The following ITIH5 variants were observed in gnomAD, a reference collection of about 807,000 sequenced individuals.
The protein encoded by ITIH5 is inter-alpha-trypsin inhibitor heavy chain H5.
ITIH5 carries 65 observed loss-of-function variants against 77.5 expected under a neutral mutation model. The observed-to-expected ratio is 0.84, with a 90% confidence interval of 0.69 to 1.03. ITIH5 has a LOEUF of 1.03. Among genes scored for constraint, ITIH5 ranks in the 50% least tolerant of loss-of-function variants. ITIH5 has a pLI of 0.00. For synonymous variants in ITIH5, 525 were observed against 494.3 expected (o/e 1.06, Z -0.82); for missense variants, 1,208 against 1,213.1 (o/e 1.00, Z 0.06).
At chr10:7,574,214 G>A (rs1382945686) in intron 10 of ITIH5, among the ~76,000 whole-genome samples, 1 of 152,068 alleles carries the variant, frequency 6.6e-6, no homozygotes, top group Non-Finnish European at 1.5e-5. Context: ...AATATCTTAC[G>A]TCAAATTGTT....
At chr10:7,666,460 A>C (rs1246570402) in intron 1 of ITIH5, among the ~76,000 whole-genome samples, 1 of 151,914 alleles carries the variant, frequency 6.6e-6, no homozygotes, top group Non-Finnish European at 1.5e-5. Context: ...ACTGCCCCCC[A>C]CGCGTGATAA....
chr10:7,586,051 T>G lies in ITIH5; in HGVS notation c.958A>C (p.Thr320Pro), dbSNP rs772751552. 1.9e-6 allele frequency: 3 copies of G among 1,613,580 alleles called. No homozygotes were observed. The African/African-American group carries it at 4.0e-5, about 22-fold the overall frequency. The part of the protein sequence containing the change: ...KLRQTKDALF[T>P]ILHDLRPQDR... The stretch of plus-strand genomic sequence containing the variant: ...TGGGGTCGGAGGTCATGGAGAATTG[T>G]GAAGAGGGCATCCTTGGTCTAGGCA... Residue 320 changes from threonine to proline, a missense_variant, in exon 8 of 14, where the codon ACA becomes CCA. Coordinates refer to ENST00000397146, the MANE Select transcript of ITIH5 (RefSeq NM_030569.7).
At chr10:7,573,227 C>A in intron 10 of ITIH5, 32 bp from the exon 11 acceptor site, 1 of 1,587,536 alleles carries the variant, frequency 6.3e-7, no homozygotes, top group South Asian at 1.1e-5. Flanking sequence ...ACATCATGGT[C>A]ATTCCTTAAA....
intron 8 of ITIH5, among the ~76,000 whole-genome samples, chr10:7,583,305 T>C (rs569263372): frequency 6.6e-6 from 1 of 152,322 alleles, no homozygotes; most frequent in East Asian, 1.9e-4. Context: ...TTATTTTACA[T>C]TTTATTGGAA....
At chr10:7,604,023 G>T (rs966272228) in intron 7 of ITIH5, among the ~76,000 whole-genome samples, 1 of 152,162 alleles carries the variant, frequency 6.6e-6, no homozygotes, top group African/African-American at 2.4e-5. Flanking sequence ...GCATAAGTTG[G>T]TGCCACGGCC....
chr10:7,576,633 G>C lies in ITIH5; in HGVS notation c.1798C>G (p.Arg600Gly), dbSNP rs752162414. ...AGGGCCTGGGCCCGCTGCCGCAGCC[G>C]CTCCTTCTCCGGTTCATCGTCACTT... ...LQSDDEPEKE[R>G]LRQRAQALAV... Residue 600 changes from arginine to glycine, a missense_variant, in exon 10 of 14, where the codon CGG becomes GGG. By Grantham distance (125) the Arg-to-Gly change is moderately radical (BLOSUM62 -2). Transcript: ENST00000397146. 19 of 1,614,156 alleles carry C rather than the reference G, an allele frequency of 1.2e-5. No individual in the cohort carries two copies. The highest frequency in any genetic ancestry group is 1.5e-5 in the Non-Finnish European group (18 of 1,180,042).
intron 5 of ITIH5, among the ~76,000 whole-genome samples, chr10:7,629,603 G>A (rs1175389583): frequency 1.6e-4 from 21 of 133,164 alleles, no homozygotes; most frequent in Non-Finnish European, 2.1e-4. Flanking sequence ...ATGTTGTAGC[G>A]TGTATCCATG....
chr10:7,647,684 C>T (rs1028900731), intron 2 of ITIH5, among the ~76,000 whole-genome samples: 5 of 152,142 alleles, frequency 3.3e-5, no homozygotes, highest in African/African-American at 1.2e-4. Flanking sequence ...ATTTCCAACT[C>T]TATGTCATTT....
At chr10:7,658,666 G>T (rs1172742953) in intron 1 of ITIH5, among the ~76,000 whole-genome samples, 4 of 152,174 alleles carry the variant, frequency 2.6e-5, no homozygotes, top group African/African-American at 7.2e-5. Flanking sequence ...TCTCGAAGGT[G>T]GTGGGGGCTT....
At chr10:7,581,345 T>C (rs2043843514) in intron 8 of ITIH5, among the ~76,000 whole-genome samples, 1 of 152,144 alleles carries the variant, frequency 6.6e-6, no homozygotes, top group African/African-American at 2.4e-5. Flanking sequence ...ATCAGGAATA[T>C]GTGGCTTAGA....
chr10:7,612,666 T>C (rs1833272874), intron 7 of ITIH5, among the ~76,000 whole-genome samples: 1 of 151,972 alleles, frequency 6.6e-6, no homozygotes, highest in Admixed American at 6.6e-5. Flanking sequence ...GTGTTTTTTT[T>C]TTTTTTTTAG....
At chr10:7,647,231 G>A (rs9329327) in intron 2 of ITIH5, among the ~76,000 whole-genome samples, 75,635 of 152,100 alleles carry the variant, frequency 0.5, 19,218 homozygotes, top group African/African-American at 0.56. Context: ...ATGCCAGGCA[G>A]GCCACACTGT....
intron 6 of ITIH5, 47 bp downstream of exon 6, chr10:7,617,066 C>T (rs1268146603): frequency 1.5e-6 from 2 of 1,340,758 alleles, no homozygotes; most frequent in Admixed American, 2.6e-5. Flanking sequence ...TGAGTCTGTC[C>T]AAAGTACCAA....
Position 7,616,106 on chromosome 10 carries a change from A to T in ITIH5, c.823-8T>A. On this transcript the variant is annotated splice_polypyrimidine_tract_variant and splice_region_variant and intron_variant, in intron 6 of 13. Coordinates refer to ENST00000397146, the MANE Select transcript of ITIH5 (RefSeq NM_030569.7). ...AAAATAGCCATTTAGAACCTGGTGGAGGGAAAAGAAAGTAAAAACGGTAGT... is the reference window on the plus strand; with the variant it reads ...AAAATAGCCATTTAGAACCTGGTGGTGGGAAAAGAAAGTAAAAACGGTAGT... 1 of 1,541,504 alleles carries T rather than the reference A, an allele frequency of 6.5e-7. No homozygotes were observed. Among genetic ancestry groups the T allele is most frequent in the Non-Finnish European group, 9.0e-7 (1 of 1,114,008 alleles).
At chr10:7,604,726 C>T (rs1833087155) in intron 7 of ITIH5, among the ~76,000 whole-genome samples, 1 of 152,206 alleles carries the variant, frequency 6.6e-6, no homozygotes, top group Admixed American at 6.5e-5. Flanking sequence ...GAACCAGTTC[C>T]TTTTCCATCT....
At chr10:7,638,888 C>A (rs1259359083) in intron 4 of ITIH5, among the ~76,000 whole-genome samples, 1 of 152,190 alleles carries the variant, frequency 6.6e-6, no homozygotes, top group Non-Finnish European at 1.5e-5. Context: ...ATAAGGATGT[C>A]ACTGCTTGCA....
rs1833874784 is a variant in ITIH5 at position 7,640,868 on chromosome 10, A to G, written c.300-13T>C. ...GTCTCCAATAAGCCTGAAATACAAG[A>G]GACAGTTGTGCTACCAGCTTGCAGT... On this transcript the variant is annotated splice_polypyrimidine_tract_variant and intron_variant, in intron 3 of 13. Coordinates refer to ENST00000397146, the MANE Select transcript of ITIH5 (RefSeq NM_030569.7). 1 of 1,566,648 alleles carries G rather than the reference A, an allele frequency of 6.4e-7. No individual in the cohort carries two copies. Among genetic ancestry groups the G allele is most frequent in the Non-Finnish European group, 8.8e-7 (1 of 1,137,106 alleles).
At chr10:7,602,066 C>G (rs1436298057) in intron 7 of ITIH5, among the ~76,000 whole-genome samples, 4 of 152,068 alleles carry the variant, frequency 2.6e-5, no homozygotes, top group Non-Finnish European at 4.4e-5. Context: ...GTTGGCCAGG[C>G]TGGTCTTGAA....
At chr10:7,576,278 C>T (rs1290075938) in intron 10 of ITIH5, among the ~76,000 whole-genome samples, 175 bp downstream of exon 10, 2 of 152,188 alleles carry the variant, frequency 1.3e-5, no homozygotes, top group African/African-American at 2.4e-5. Flanking sequence ...CCCACCTCAG[C>T]CTCCCAAAGT....
Sources: gnomAD v4.1 joint callset for allele counts (sites outside exome capture counted in the v4.1 genomes callset) on GRCh38, gnomAD v4.1.1 for gene constraint, MANE v1.5 for transcripts, NCBI Gene and HGNC (gene_info 2026-07-23, HGNC 2026-07-21) for gene names.